Variants in EML1 observed in about 807,000 individuals in gnomAD.
EML1 encodes EMAP like 1.
EML1 carries 27 observed loss-of-function variants against 110.4 expected under a neutral mutation model. The ratio of observed to expected loss-of-function variants is 0.24; its 90% CI spans 0.18 to 0.34. The LOEUF is 0.34. Among genes scored for constraint, EML1 ranks in the 10% least tolerant of loss-of-function variants. The pLI, the probability that EML1 is intolerant of heterozygous loss-of-function variation, is 1.00. For synonymous variants in EML1, 344 were observed against 385.8 expected (o/e 0.89, Z 1.27); for missense variants, 741 against 1,030.9 (o/e 0.72, Z 3.85).
At chr14:99,755,288 G>A (rs2057235805) in intron 1 of EML1, among the ~76,000 whole-genome samples, 1 of 152,220 alleles carries the variant, frequency 6.6e-6, no homozygotes, top group Non-Finnish European at 1.5e-5. Context: ...GGGCCTGGAG[G>A]CCCCGGGGAG....
chr14:99,910,470 C>T (rs1294123840), intron 12 of EML1, 129 bp downstream of exon 12: 3 of 683,554 alleles, frequency 4.4e-6, no homozygotes, highest in African/African-American at 3.6e-5. Flanking sequence ...TACAGAGACA[C>T]ACACATACAT....
At chr14:99,886,031 C>T (rs564062695) in intron 4 of EML1, 1 of 346,338 alleles carries the variant, frequency 2.9e-6, no homozygotes, top group South Asian at 2.3e-5. Flanking sequence ...AATAAAGTCT[C>T]CAGCAACTTC....
At chr14:99,891,779 G>A (rs2059591369) in intron 5 of EML1, among the ~76,000 whole-genome samples, 1 of 152,092 alleles carries the variant, frequency 6.6e-6, no homozygotes, top group Non-Finnish European at 1.5e-5. Flanking sequence ...ATTTAGAAAT[G>A]CATTTAAAAT....
At chr14:99,805,805 T>G (rs1187776077) in intron 1 of EML1, among the ~76,000 whole-genome samples, 4 of 152,040 alleles carry the variant, frequency 2.6e-5, no homozygotes, top group African/African-American at 9.7e-5. Context: ...AAAAAAAAAT[T>G]TAATCATGGT....
intron 1 of EML1, among the ~76,000 whole-genome samples, chr14:99,795,783 A>T (rs1480039221): frequency 6.6e-6 from 1 of 152,244 alleles, no homozygotes; most frequent in African/African-American, 2.4e-5. Flanking sequence ...ATAATACATG[A>T]ACTCATACAT....
At chr14:99,764,653 A>C (rs547535852) in intron 1 of EML1, among the ~76,000 whole-genome samples, 1 of 152,288 alleles carries the variant, frequency 6.6e-6, no homozygotes, top group East Asian at 1.9e-4. Flanking sequence ...GCAAGGAGAG[A>C]AGGAGGTGGC....
At chr14:99,796,899 T>TTGTGTGTGTGTGTG (rs1180695003) in intron 1 of EML1, among the ~76,000 whole-genome samples, 1 of 135,812 alleles carries the variant, frequency 7.4e-6, no homozygotes, top group African/African-American at 2.6e-5. Flanking sequence ...GTCTAAATCT[T>TTGTGTGTGTGTGTG]TGTGTGTGTA....
At chr14:99,756,576 T>C (rs1336756076) in intron 1 of EML1, among the ~76,000 whole-genome samples, 1 of 152,164 alleles carries the variant, frequency 6.6e-6, no homozygotes, top group African/African-American at 2.4e-5. Flanking sequence ...AGTCTAAGCC[T>C]ATACCTAAAG....
intron 17 of EML1, among the ~76,000 whole-genome samples, chr14:99,928,215 ATGGTGG>A (rs1186228335): frequency 3.0e-4 from 1 of 3,360 alleles, no homozygotes; most frequent in East Asian, 7.8e-3. Flanking sequence ...GGTGATGGTG[ATGGTGG>A]TGGTGGTGGT....
Position 99,818,668 on chromosome 14 carries a change from C to T in EML1, c.67+25125C>T, listed in dbSNP as rs146938274. Among the ~76,000 whole-genome samples the T allele has an allele frequency of 2.8e-4, 42 of 152,196 alleles. No individual in the cohort carries two copies. In the East Asian group the frequency reaches 4.4e-3, roughly 16 times the overall value. On this transcript the variant is annotated intron_variant, in intron 1 of 21. Coordinates refer to ENST00000262233, the MANE Select transcript of EML1 (RefSeq NM_004434.3). ...AGCTGGAGCTTGAGAGGGTTCTGGC[C>T]TTGAGGTGTCAGCTGAGGAGTCATC... is the stretch of plus-strand genomic sequence containing the variant.
Position 99,905,789 on chromosome 14 carries a change from C to T in EML1, c.1009-1849C>T, listed in dbSNP as rs2059834860. On this transcript the variant is annotated intron_variant, in intron 9 of 21. Transcript: ENST00000262233. The surrounding 1 kb of genome is among the most constrained non-coding windows in gnomAD (Gnocchi z 4.1). ...CCCTAAATCTTAGGAAGGACTCTAACCTTCCTAAGTTGGGCCTGGAACCCA... is the reference window on the plus strand; with the variant it reads ...CCCTAAATCTTAGGAAGGACTCTAATCTTCCTAAGTTGGGCCTGGAACCCA... 6.6e-6 allele frequency among the ~76,000 whole-genome samples: 1 copy of T among 152,100 alleles called. No individual in the cohort carries two copies. Among genetic ancestry groups the T allele is most frequent in the African/African-American group, 2.4e-5 (1 of 41,410 alleles).
intron 9 of EML1, among the ~76,000 whole-genome samples, chr14:99,902,350 A>G (rs1393721653): frequency 6.6e-6 from 1 of 152,214 alleles, no homozygotes; most frequent in Non-Finnish European, 1.5e-5. Context: ...AGATATTTAC[A>G]TTACCCATTG....
chr14:99,896,861 T>G (rs1196722714), intron 6 of EML1, among the ~76,000 whole-genome samples: 3 of 152,104 alleles, frequency 2.0e-5, no homozygotes, highest in African/African-American at 7.2e-5. Context: ...AGCTCGTAGA[T>G]TACAGTAAAA....
intron 17 of EML1, among the ~76,000 whole-genome samples, chr14:99,927,903 G>A (rs1334926513): frequency 1.1e-5 from 1 of 94,946 alleles, no homozygotes; most frequent in Admixed American, 1.0e-4. Context: ...GGTGGTGGTG[G>A]TGGTGGTGGT....
At chr14:99,794,161 C>A (rs965376386) in intron 1 of EML1, among the ~76,000 whole-genome samples, 1 of 151,776 alleles carries the variant, frequency 6.6e-6, no homozygotes, top group South Asian at 2.1e-4. Flanking sequence ...TTTGTTTTTG[C>A]AATTTTACAG....
At chr14:99,849,529 GTATA>G (rs747777799) in intron 1 of EML1, among the ~76,000 whole-genome samples, 240 of 113,590 alleles carry the variant, frequency 2.1e-3, no homozygotes, top group South Asian at 2.7e-3. Context: ...GTGTGTGTGT[GTATA>G]TATATTTATT....
intron 6 of EML1, among the ~76,000 whole-genome samples, chr14:99,896,453 C>T (rs1462093340): frequency 2.0e-5 from 3 of 152,056 alleles, no homozygotes; most frequent in Non-Finnish European, 4.4e-5. Context: ...TTCAGCTCGT[C>T]TTTAAGTCAG....
At chr14:99,764,995 T>C (rs2057353486) in intron 1 of EML1, among the ~76,000 whole-genome samples, 1 of 152,160 alleles carries the variant, frequency 6.6e-6, no homozygotes, top group South Asian at 2.1e-4. Context: ...TGGAGCGCAG[T>C]GGAACAATCA....
intron 5 of EML1, among the ~76,000 whole-genome samples, chr14:99,891,893 GTATT>G (rs2059593870): frequency 6.6e-6 from 1 of 152,158 alleles, no homozygotes; most frequent in South Asian, 2.1e-4. Flanking sequence ...TCAAAGTTGT[GTATT>G]TATCAGCATG....
Sources: gnomAD v4.1 joint callset for allele counts (sites outside exome capture counted in the v4.1 genomes callset) on GRCh38, gnomAD v4.1.1 for gene constraint, Gnocchi (gnomAD v3.1) non-coding constraint, MANE v1.5 for transcripts, NCBI Gene and HGNC (gene_info 2026-07-23, HGNC 2026-07-21) for gene names.